Variants in TLL2 observed in about 807,000 individuals in gnomAD.
TLL2 encodes tolloid-like protein 2.
In TLL2, 106 loss-of-function variants were observed where a neutral mutation model predicts 123.0. The observed-to-expected ratio is 0.86, with a 90% confidence interval of 0.74 to 1.01. The LOEUF (loss-of-function observed/expected upper bound fraction) is 1.01. TLL2 is among the 50% of genes least tolerant of loss of function. The pLI is 0.00. For synonymous variants in TLL2, 494 were observed against 516.8 expected (o/e 0.96, Z 0.60); for missense variants, 1,332 against 1,336.7 (o/e 1.00, Z 0.06).
chr10:96,406,214 G>A (rs1846447866), intron 9 of TLL2, among the ~76,000 whole-genome samples: 1 of 151,960 alleles, frequency 6.6e-6, no homozygotes, highest in African/African-American at 2.4e-5. Flanking sequence ...CCACCAGCTC[G>A]GGGCTCCCCT....
At chr10:96,481,004 G>A (rs1330911052) in intron 1 of TLL2, among the ~76,000 whole-genome samples, 1 of 152,198 alleles carries the variant, frequency 6.6e-6, no homozygotes, top group Non-Finnish European at 1.5e-5. Context: ...GACAAGCAAT[G>A]TTCCAGATGG....
chr10:96,378,829 G>A, intron 17 of TLL2, 138 bp downstream of exon 17: 1 of 1,188,480 alleles, frequency 8.4e-7, no homozygotes, highest in Non-Finnish European at 1.2e-6. Context: ...TCTCCCGCAA[G>A]GACAGCAGTT....
In TLL2 at chr10:96,422,894, G is replaced by A. The variant is rs530733313; in HGVS notation, c.639-167C>T. Among the ~76,000 whole-genome samples, 229 of 152,268 alleles carry A rather than the reference G, an allele frequency of 1.5e-3. 1 individual carries two copies. Among genetic ancestry groups the A allele is most frequent in the Admixed American group, 3.4e-3 (52 of 15,300 alleles). ...TGTAATCCCAGAACTTTGGGAGGCCGAGGTGGGCGGATCACCTGAGGTCAG... is the reference window on the plus strand; with the variant it reads ...TGTAATCCCAGAACTTTGGGAGGCCAAGGTGGGCGGATCACCTGAGGTCAG... On this transcript the variant is annotated intron_variant, in intron 5 of 20. Coordinates refer to ENST00000357947, the MANE Select transcript of TLL2 (RefSeq NM_012465.4).
intron 1 of TLL2, among the ~76,000 whole-genome samples, chr10:96,503,778 G>A (rs748481058): frequency 1.2e-4 from 19 of 152,324 alleles, no homozygotes; most frequent in Middle Eastern, 3.4e-3. Context: ...TGGAAAGCCA[G>A]AATTCTCTCG....
rs114281804 is a variant in TLL2 at position 96,505,334 on chromosome 10, G to A, written c.175+8177C>T. On this transcript the variant is annotated intron_variant, in intron 1 of 20. Transcript: ENST00000357947. ...TCCCACCAGGTCTCTCCCTTGACAC[G>A]TGGGGATTACAATTCCAGATGAGGT... Among the ~76,000 whole-genome samples, 160 of 152,364 alleles carry A rather than the reference G, an allele frequency of 1.1e-3. 3 individuals are homozygous for A. The South Asian group carries it at 0.018, about 17-fold the overall frequency.
At chr10:96,440,621 C>T (rs1168329599) in intron 3 of TLL2, among the ~76,000 whole-genome samples, 5 of 152,184 alleles carry the variant, frequency 3.3e-5, no homozygotes, top group Admixed American at 3.3e-4. Flanking sequence ...TAAGATACTC[C>T]GTGTTTCTCT....
intron 1 of TLL2, among the ~76,000 whole-genome samples, chr10:96,490,787 T>C (rs1847404857): frequency 6.6e-6 from 1 of 152,206 alleles, no homozygotes; most frequent in African/African-American, 2.4e-5. Flanking sequence ...GTGTAATCCA[T>C]AGACCAGCAG....
chr10:96,428,999 T>C (rs1295681801), intron 4 of TLL2, among the ~76,000 whole-genome samples: 1 of 152,088 alleles, frequency 6.6e-6, no homozygotes, highest in Non-Finnish European at 1.5e-5. Flanking sequence ...AGATGGGGTT[T>C]CTCCATGTTG....
chr10:96,435,957 C>T (rs1383352261), intron 3 of TLL2, among the ~76,000 whole-genome samples: 1 of 152,126 alleles, frequency 6.6e-6, no homozygotes, highest in Admixed American at 6.5e-5. Flanking sequence ...TCTTCTTTGA[C>T]CTCTGAATTA....
intron 10 of TLL2, among the ~76,000 whole-genome samples, chr10:96,401,171 A>T (rs1424338738): frequency 6.6e-6 from 1 of 152,216 alleles, no homozygotes; most frequent in Non-Finnish European, 1.5e-5. Context: ...GGAGTCATAA[A>T]GGGTTCATTC....
Position 96,446,185 on chromosome 10 carries a change from G to T in TLL2, c.287-17C>A. ...CAAGCCCACCTAGAGGAATGGAGAA[G>T]AAAGAGGCATGAGGACACATCAGCC... is the stretch of plus-strand genomic sequence containing the variant. On this transcript the variant is annotated splice_polypyrimidine_tract_variant and intron_variant, in intron 2 of 20. Coordinates refer to ENST00000357947, the MANE Select transcript of TLL2 (RefSeq NM_012465.4). The T allele has an allele frequency of 6.2e-7, 1 of 1,613,746 alleles. No individual in the cohort carries two copies. The highest frequency in any genetic ancestry group is 1.1e-5 in the South Asian group (1 of 91,054).
chr10:96,509,063 TAGAG>T (rs999473428), intron 1 of TLL2, among the ~76,000 whole-genome samples: 1 of 152,098 alleles, frequency 6.6e-6, no homozygotes, highest in African/African-American at 2.4e-5. Flanking sequence ...GACACCCACA[TAGAG>T]AGACCACATG....
At chr10:96,386,828 TCCA>T in intron 14 of TLL2, 122 bp downstream of exon 14, 1 of 1,422,482 alleles carries the variant, frequency 7.0e-7, no homozygotes, top group Non-Finnish European at 9.7e-7. Context: ...AGGTGGGTCT[TCCA>T]CCATGTCTGC....
intron 1 of TLL2, among the ~76,000 whole-genome samples, chr10:96,494,680 C>A (rs539190646): frequency 5.3e-5 from 8 of 152,226 alleles, no homozygotes; most frequent in African/African-American, 1.9e-4. Context: ...ATGGTCTACA[C>A]GGGGGAAGAG....
chr10:96,371,356 GAT>G (rs1589403233), intron 19 of TLL2, among the ~76,000 whole-genome samples: 1 of 151,712 alleles, frequency 6.6e-6, no homozygotes, highest in East Asian at 1.9e-4. Flanking sequence ...AAATAAAATA[GAT>G]AGATAAGACT....
At chr10:96,410,265 C>T in intron 9 of TLL2, 94 bp downstream of exon 9, 1 of 878,372 alleles carries the variant, frequency 1.1e-6, no homozygotes, top group Non-Finnish European at 1.8e-6. Context: ...TATAACCGAA[C>T]AGCTGTTATT....
At chr10:96,387,725 C>T (rs1846250730) in intron 13 of TLL2, among the ~76,000 whole-genome samples, 1 of 152,090 alleles carries the variant, frequency 6.6e-6, no homozygotes, top group Non-Finnish European at 1.5e-5. Context: ...GATTCAGCAC[C>T]AAGGGCCTAG....
rs571590316 is a variant in TLL2 at position 96,383,877 on chromosome 10, C to T, written c.2194+710G>A. On this transcript the variant is annotated intron_variant, in intron 16 of 20. Transcript: ENST00000357947. ...AGAACTCCTGACCTAGTGATCTGCC[C>T]GCCTCGGCCTCCCAAAGTGCTGGGA... Among the ~76,000 whole-genome samples, 99 of 150,894 alleles carry T rather than the reference C, an allele frequency of 6.6e-4. No individual in the cohort carries two copies. In the Middle Eastern group the frequency reaches 0.01, roughly 16 times the overall value.
At chr10:96,433,706 A>AT (rs1846766723) in intron 3 of TLL2, among the ~76,000 whole-genome samples, 1 of 152,106 alleles carries the variant, frequency 6.6e-6, no homozygotes. Flanking sequence ...AACTTGGAGC[A>AT]TTTTCACTCT....
Sources: allele counts gnomAD v4.1 joint callset (sites outside exome capture counted in the v4.1 genomes callset), GRCh38; gene constraint gnomAD v4.1.1; transcripts MANE v1.5; gene names NCBI Gene and HGNC (gene_info 2026-07-23, HGNC 2026-07-21).